The following CTBS variants were observed in gnomAD, a reference collection of about 807,000 sequenced individuals.
CTBS encodes chitobiase.
In CTBS, 35 loss-of-function variants were observed where a neutral mutation model predicts 44.3. That is an observed-to-expected ratio of 0.79 (90% CI 0.60 to 1.05). The LOEUF (loss-of-function observed/expected upper bound fraction) is 1.05, where lower values mean the gene tolerates loss of function less well. Among genes scored for constraint, CTBS ranks in the 50% least tolerant of loss-of-function variants. CTBS has a pLI of 0.00. For missense variants in CTBS, 458 were observed against 475.3 expected, an observed-to-expected ratio of 0.96 and a Z score of 0.34; for synonymous variants, 143 against 168.0, an observed-to-expected ratio of 0.85 and a Z score of 1.15.
At chr1:84,562,511 A>T (rs894945637) in intron 6 of CTBS, among the ~76,000 whole-genome samples, 4 of 152,222 alleles carry the variant, frequency 2.6e-5, no homozygotes, top group African/African-American at 9.6e-5. Context: ...TCCTTGCTGA[A>T]CTTCACTTAT....
In CTBS at chr1:84,552,370, A is replaced by G. The variant is rs1236845036; in HGVS notation, c.*2629T>C. On this transcript the variant is annotated 3_prime_UTR_variant, in exon 7 of 7. Transcript: ENST00000370630. ...ACCTAACAAGCTCCCAACTGATGCT[A>G]ATGCTGCTGTCCACAGACAACACTT... is the stretch of plus-strand genomic sequence containing the variant. The G allele has an allele frequency of 1.3e-5, 2 of 152,168 alleles. No homozygotes were observed. The highest frequency in any genetic ancestry group is 4.8e-5 in the African/African-American group (2 of 41,438). The allele number at this position is 152,168 out of a possible 1,614,324, so 9.4% of individuals were successfully genotyped here. A position where few individuals can be genotyped will look rare whatever the true frequency, so the allele number is the denominator to read the frequency against.
chr1:84,563,813 C>G lies in CTBS; in HGVS notation c.717G>C (p.Lys239Asn). 1 of 1,607,350 alleles carries G rather than the reference C, an allele frequency of 6.2e-7. No individual in the cohort carries two copies. Residue 239 changes from lysine to asparagine, a missense_variant, in exon 5 of 7, where the codon AAG becomes AAC. Lys to Asn is a moderately conservative substitution (Grantham distance 94). Transcript: ENST00000370630. The part of the protein sequence containing the change: ...QTLTGYNDYI[K>N]MSINPKKLVM... ...CAAGTTTCTTAGGATTAATGCTCAT[C>G]TTGATGTAGTCATTATATCCTAGTC...
At chr1:84,557,533 CAAAAAAAA>C (rs56101174) in intron 6 of CTBS, among the ~76,000 whole-genome samples, 2 of 55,438 alleles carry the variant, frequency 3.6e-5, no homozygotes, top group African/African-American at 1.2e-4. Flanking sequence ...AACTCCATCT[CAAAAAAAA>C]AAAAAAAAAA....
At chr1:84,559,415 G>A (rs1197686896) in intron 6 of CTBS, among the ~76,000 whole-genome samples, 3 of 152,142 alleles carry the variant, frequency 2.0e-5, no homozygotes, top group Non-Finnish European at 4.4e-5. Context: ...GAAGTCAGGA[G>A]TTTCAAACCA....
At chr1:84,564,788 G>A (rs955823140) in intron 4 of CTBS, among the ~76,000 whole-genome samples, 4 of 152,146 alleles carry the variant, frequency 2.6e-5, no homozygotes, top group Non-Finnish European at 4.4e-5. Flanking sequence ...GCTCATGCCT[G>A]TAATTGAAGC....
In CTBS at chr1:84,551,228, A is replaced by C; in HGVS notation, c.*3771T>G. On this transcript the variant is annotated 3_prime_UTR_variant, in exon 7 of 7. Transcript: ENST00000370630. ...AGCAAGGCAGGAAAATGAGAACGAT[A>C]ATTATATGAATGCTCTCATTTCTTT... The C allele has an allele frequency of 1.0e-6, 1 of 985,184 alleles. No homozygotes were observed. The highest frequency in any genetic ancestry group is 1.2e-6 in the Non-Finnish European group (1 of 829,718). The allele number at this position is 985,184 out of a possible 1,614,324, so 61.0% of individuals were successfully genotyped here.
chr1:84,563,983 AAG>A, intron 4 of CTBS, 151 bp from the exon 5 acceptor site: 1 of 818,422 alleles, frequency 1.2e-6, no homozygotes, highest in Non-Finnish European at 1.7e-6. Flanking sequence ...AACATCCCTT[AAG>A]AACCATAAAT....
rs1684477585 is a variant in CTBS at position 84,557,558 on chromosome 1, A to G, written c.958-2359T>C. On this transcript the variant is annotated intron_variant, in intron 6 of 6. Transcript: ENST00000370630. ...CAAAAAAAAAAAAAAAAAAAAGAAA[A>G]AAAAAAAAAGAAGGAGGCTGGGCGC... is the stretch of plus-strand genomic sequence containing the variant. Among the ~76,000 whole-genome samples the G allele has an allele frequency of 2.7e-5, 4 of 149,142 alleles. No homozygotes were observed. The South Asian group carries it at 8.5e-4, about 32-fold the overall frequency.
At chr1:84,565,819 A>C in intron 4 of CTBS, 22 bp downstream of exon 4, 1 of 1,305,216 alleles carries the variant, frequency 7.7e-7, no homozygotes, top group Non-Finnish European at 1.0e-6. Context: ...TTATTAATAA[A>C]TGACCATGTT....
At chr1:84,573,185 C>T (rs1647368198) in intron 1 of CTBS, among the ~76,000 whole-genome samples, 1 of 152,168 alleles carries the variant, frequency 6.6e-6, no homozygotes, top group African/African-American at 2.4e-5. Context: ...GCCAACTAAC[C>T]TCTAACTAGT....
Position 84,554,357 on chromosome 1 carries a change from T to C in CTBS, c.*642A>G, listed in dbSNP as rs1205402622. The C allele has an allele frequency of 6.6e-6, 1 of 152,192 alleles. No homozygotes were observed. The highest frequency in any genetic ancestry group is 2.4e-5 in the African/African-American group (1 of 41,462). 9.4% of individuals were successfully genotyped at this position (152,192 alleles called of 1,614,324 possible). ...GTAGTTCTAACTTACCAATTCAAAA[T>C]ATTACTGTTACATTCTTCTATTTTG... On this transcript the variant is annotated 3_prime_UTR_variant, in exon 7 of 7. Coordinates refer to ENST00000370630, the MANE Select transcript of CTBS (RefSeq NM_004388.3).
chr1:84,559,503 C>T (rs976161442), intron 6 of CTBS, among the ~76,000 whole-genome samples: 1 of 151,924 alleles, frequency 6.6e-6, no homozygotes, highest in Admixed American at 6.6e-5. Flanking sequence ...ATCCCTATAA[C>T]CCCAGATATT....
At chr1:84,560,979 C>G (rs906591782) in intron 6 of CTBS, among the ~76,000 whole-genome samples, 29 of 152,224 alleles carry the variant, frequency 1.9e-4, no homozygotes, top group African/African-American at 5.8e-4. Context: ...ATTTTCATGC[C>G]TGCTAACACA....
At chr1:84,566,699 C>A (rs1294426877) in intron 3 of CTBS, among the ~76,000 whole-genome samples, 1 of 152,184 alleles carries the variant, frequency 6.6e-6, no homozygotes, top group African/African-American at 2.4e-5. Context: ...GTGGCGCAAT[C>A]TCAGCTCACT....
Position 84,563,428 on chromosome 1 carries a change from CA to C in CTBS, c.796-11del, listed in dbSNP as rs780187443. 4.1e-6 allele frequency: 6 copies of C among 1,478,594 alleles called. No individual in the cohort carries two copies. The highest frequency in any genetic ancestry group is 1.5e-5 in the African/African-American group (1 of 68,678). The allele number at this position is 1,478,594 out of a possible 1,614,324, so 91.6% of individuals were successfully genotyped here. A position where few individuals can be genotyped will look rare whatever the true frequency, so the allele number is the denominator to read the frequency against. On this transcript the variant is annotated splice_polypyrimidine_tract_variant and intron_variant, in intron 5 of 6. Coordinates refer to ENST00000370630, the MANE Select transcript of CTBS (RefSeq NM_004388.3). ...TGGTACAAACATGATCCTAGAAATG[CA>C]AAAGTGCTCATGTTATATATTATCA...
chr1:84,574,385 G>T lies in CTBS; in HGVS notation c.31C>A (p.Leu11Ile), dbSNP rs770545131. MSRPQLRRWR[L>I]VSSPPSGVPG... ...ACGCCGCTCGGCGGGCTAGAGACGA[G>T]GCGCCAGCGTCGAAGCTGCGGCCGG... Residue 11 changes from leucine to isoleucine, a missense_variant, in exon 1 of 7, where the codon CTC becomes ATC. Transcript: ENST00000370630. 1 of 1,562,548 alleles carries T rather than the reference G, an allele frequency of 6.4e-7. No individual in the cohort carries two copies. Among genetic ancestry groups the T allele is most frequent in the African/African-American group, 1.4e-5 (1 of 73,420 alleles).
At chr1:84,563,905 C>A (rs762358070) in intron 4 of CTBS, 73 bp from the exon 5 acceptor site, 30 of 1,443,386 alleles carry the variant, frequency 2.1e-5, no homozygotes, top group African/African-American at 5.8e-5. Context: ...GCTATGCAAC[C>A]GTTCAGAATC....
At chr1:84,573,905 G>A in intron 1 of CTBS, 1 of 1,184,200 alleles carries the variant, frequency 8.4e-7, no homozygotes, top group East Asian at 4.6e-5. Flanking sequence ...AACATAAATG[G>A]ATTATCCTAC....
At chr1:84,557,452 G>C (rs915575194) in intron 6 of CTBS, among the ~76,000 whole-genome samples, 1 of 142,634 alleles carries the variant, frequency 7.0e-6, no homozygotes, top group African/African-American at 2.6e-5. Flanking sequence ...AGAATTGCTT[G>C]AACCTGGGAG....
Sources: allele counts gnomAD v4.1 joint callset (sites outside exome capture counted in the v4.1 genomes callset), GRCh38; gene constraint gnomAD v4.1.1; transcripts MANE v1.5; gene names NCBI Gene and HGNC (gene_info 2026-07-23, HGNC 2026-07-21).